Variants in SLC9A6 observed in about 807,000 individuals in gnomAD.
SLC9A6 encodes the protein solute carrier family 9 member A6.
Under a neutral mutation model 45.3 loss-of-function variants are expected in SLC9A6, and 6 were observed. The ratio of observed to expected loss-of-function variants is 0.13; its 90% CI spans 0.07 to 0.26. The LOEUF (loss-of-function observed/expected upper bound fraction) is 0.26. Among genes scored for constraint, SLC9A6 ranks in the 10% least tolerant of loss-of-function variants. The pLI is 1.00. For synonymous variants in SLC9A6, 191 were observed against 187.7 expected (o/e 1.02, Z -0.14); for missense variants, 278 against 503.7 (o/e 0.55, Z 4.29).
At chrX:136,039,016 T>C (rs1245862634) in intron 16 of SLC9A6, among the ~76,000 whole-genome samples, 1 of 111,014 alleles carries the variant, frequency 9.0e-6, no homozygotes, top group Non-Finnish European at 1.9e-5. Flanking sequence ...ATTCATGAAA[T>C]TTTCTCTGAC....
At position 136,045,169 on chromosome X, in the gene SLC9A6, C is replaced by T. The variant is rs782381431; in HGVS notation, c.*445C>T. The stretch of plus-strand genomic sequence containing the variant: ...GAGGAGAGGTTCCTTTGTTGGGAAA[C>T]TTTTGTTGATAGCTGCTGCCTTTGT... On this transcript the variant is annotated 3_prime_UTR_variant, in exon 18 of 18. Transcript: ENST00000630721. The T allele has an allele frequency of 3.1e-4, 41 of 132,544 alleles. No homozygotes were observed. The highest frequency in any genetic ancestry group is 1.3e-3 in the African/African-American group (41 of 31,028). 10.9% of individuals were successfully genotyped at this position (132,544 alleles called of 1,213,427 possible). A position where few individuals can be genotyped will look rare whatever the true frequency, so the allele number is the denominator to read the frequency against.
rs781876462 is a variant in SLC9A6, at chrX:136,024,317, T to C, written c.1307-13T>C. 15 of 1,210,615 alleles carry C rather than the reference T, an allele frequency of 1.2e-5. No individual in the cohort carries two copies. The Admixed American group carries it at 3.0e-4, about 25-fold the overall frequency. ...TGAGTTATTGAAGAAATACCTTTTCTGTTCCCCTGTAGGCCTTCGTGGTGC... is the reference window on the plus strand; with the variant it reads ...TGAGTTATTGAAGAAATACCTTTTCCGTTCCCCTGTAGGCCTTCGTGGTGC... On this transcript the variant is annotated splice_polypyrimidine_tract_variant and intron_variant, in intron 12 of 17. Coordinates refer to ENST00000630721, the MANE Select transcript of SLC9A6 (RefSeq NM_001379110.1).
Position 136,016,735 on chromosome X carries a change from C to A in SLC9A6, c.1171C>A (p.Pro391Thr). Reference protein sequence around the residue: ...LFTFQNHVFNPTFVVGAFVAI... With the variant: ...LFTFQNHVFNTTFVVGAFVAI... ...CACCTTCCAGAACCATGTCTTTAAC[C>A]CAACATTTGTAGTAGGAGCATTTGT... is the stretch of plus-strand genomic sequence containing the variant. Residue 391 changes from proline (P) to threonine (T), a missense_variant, in exon 11 of 18, where the codon CCA (proline) becomes ACA (threonine). Physicochemically the swap from Pro to Thr is conservative, Grantham distance 38 (BLOSUM62 -1). Around this residue, in one of 5 missense-constraint regions of SLC9A6, gnomAD observed 41 missense variants for 51.8 expected, o/e 0.79. Transcript: ENST00000630721. 5 of 1,149,345 alleles carry A rather than the reference C, an allele frequency of 4.4e-6. No homozygotes were observed. In the Middle Eastern group the frequency reaches 1.2e-3, roughly 275 times the overall value. The allele number at this position is 1,149,345 out of a possible 1,213,427, so 94.7% of individuals were successfully genotyped here.
At chrX:135,996,876 C>T (rs2089506429) in intron 3 of SLC9A6, among the ~76,000 whole-genome samples, 1 of 109,195 alleles carries the variant, frequency 9.2e-6, no homozygotes, top group Non-Finnish European at 1.9e-5. Context: ...ACGCCGTTCT[C>T]CTGCCTCAGC....
chrX:136,030,422 G>GGA (rs2071300528), intron 15 of SLC9A6: 2 of 385,323 alleles, frequency 5.2e-6, no homozygotes, highest in African/African-American at 5.1e-5. Flanking sequence ...TTGTCCCAGA[G>GGA]GAGAGCAGTC....
At chrX:136,007,105 G>C (rs1056382024) in intron 7 of SLC9A6, among the ~76,000 whole-genome samples, 1 of 111,253 alleles carries the variant, frequency 9.0e-6, no homozygotes, top group Non-Finnish European at 1.9e-5. Context: ...AACCTCAGGT[G>C]ATCCGTCCGC....
At chrX:135,999,104 G>A in intron 6 of SLC9A6, 136 bp downstream of exon 6, 1 of 470,414 alleles carries the variant, frequency 2.1e-6, no homozygotes, top group Non-Finnish European at 3.7e-6. Flanking sequence ...TAATTGTGGA[G>A]GAAAAAACAA....
intron 3 of SLC9A6, among the ~76,000 whole-genome samples, chrX:135,996,968 G>T (rs782635153): frequency 1.8e-5 from 2 of 110,430 alleles, no homozygotes; most frequent in South Asian, 7.6e-4. Context: ...GGGTTTCACC[G>T]TGTTAGCCAG....
intron 7 of SLC9A6, chrX:136,010,072 A>C (rs1470880476): frequency 6.2e-6 from 1 of 162,163 alleles, no homozygotes; most frequent in Non-Finnish European, 1.2e-5. Context: ...GGGATTTTTC[A>C]TTAGTTTGTT....
chrX:135,986,290 A>G (rs1556614969), intron 2 of SLC9A6, among the ~76,000 whole-genome samples: 1 of 110,603 alleles, frequency 9.0e-6, no homozygotes, highest in Non-Finnish European at 1.9e-5. Context: ...TTGGAGCCAG[A>G]GTCGACCTTT....
At chrX:135,988,631 C>T (rs1435353198) in intron 2 of SLC9A6, among the ~76,000 whole-genome samples, 1 of 107,689 alleles carries the variant, frequency 9.3e-6, no homozygotes, top group Non-Finnish European at 1.9e-5. Context: ...TAGAGTGTTG[C>T]TCTGTCGCCT....
intron 8 of SLC9A6, among the ~76,000 whole-genome samples, chrX:136,011,434 G>T (rs782768977): frequency 1.8e-5 from 2 of 109,890 alleles, no homozygotes; most frequent in Admixed American, 1.9e-4. Context: ...TAGAGATGGG[G>T]TTTCATCATG....
Position 136,016,052 on chromosome X carries a change from C to G in SLC9A6, c.1081-593C>G, listed in dbSNP as rs190570010. ...CAGATAGTTCTGCTATCCTACAGATCGATCTCTTCCACAATGTGGAAGCCC... is the reference window on the plus strand; with the variant it reads ...CAGATAGTTCTGCTATCCTACAGATGGATCTCTTCCACAATGTGGAAGCCC... On this transcript the variant is annotated intron_variant, in intron 10 of 17. Transcript: ENST00000630721. 1.2e-4 allele frequency among the ~76,000 whole-genome samples: 13 copies of G among 110,863 alleles called. No individual in the cohort carries two copies. In the East Asian group the frequency reaches 3.1e-3, roughly 27 times the overall value.
intron 1 of SLC9A6, among the ~76,000 whole-genome samples, chrX:135,978,651 C>CAAAAAA (rs201997429): frequency 1.2e-5 from 1 of 81,107 alleles, no homozygotes. Context: ...GACTCCATCT[C>CAAAAAA]AAAAAAAAAA....
At chrX:136,005,103 G>A (rs1479434263) in intron 7 of SLC9A6, among the ~76,000 whole-genome samples, 8 of 111,892 alleles carry the variant, frequency 7.1e-5, no homozygotes, top group Non-Finnish European at 1.1e-4. Context: ...AATGGATTAA[G>A]AGTTAGAAAA....
chrX:135,975,981 C>CAAAAAA (rs782541566), intron 1 of SLC9A6, among the ~76,000 whole-genome samples: 12 of 62,407 alleles, frequency 1.9e-4, no homozygotes, highest in East Asian at 1.1e-3. Flanking sequence ...TTTCTCTAAC[C>CAAAAAA]AAAAAAAAAA....
chrX:136,022,296 A>G (rs2071140514), intron 11 of SLC9A6, among the ~76,000 whole-genome samples: 1 of 112,374 alleles, frequency 8.9e-6, no homozygotes, highest in Admixed American at 9.5e-5. Context: ...TTTGGTAGCA[A>G]CTAGCCAAAT....
intron 13 of SLC9A6, among the ~76,000 whole-genome samples, chrX:136,025,504 A>G (rs2071210878): frequency 8.9e-6 from 1 of 112,271 alleles, no homozygotes; most frequent in Admixed American, 9.5e-5. Flanking sequence ...CACACTTTGA[A>G]TGTTGTTGTT....
At chrX:136,033,987 G>C (rs2071372541) in intron 16 of SLC9A6, among the ~76,000 whole-genome samples, 1 of 111,555 alleles carries the variant, frequency 9.0e-6, no homozygotes. Flanking sequence ...GATTCTCTCT[G>C]TTCAGCATGC....
Sources: gnomAD v4.1 joint callset for allele counts (sites outside exome capture counted in the v4.1 genomes callset) on GRCh38, gnomAD v4.1.1 for gene constraint, gnomAD v4.1.1 regional missense constraint, MANE v1.5 for transcripts, NCBI Gene and HGNC (gene_info 2026-07-23, HGNC 2026-07-21) for gene names.